Variants in PDLIM5 observed in about 807,000 individuals in gnomAD.
The protein encoded by PDLIM5 is PDZ and LIM domain protein 5.
PDLIM5 carries 34 observed loss-of-function variants against 64.2 expected under a neutral mutation model. The ratio of observed to expected loss-of-function variants is 0.53; its 90% CI spans 0.40 to 0.71. PDLIM5 has a LOEUF of 0.71. Among genes scored for constraint, PDLIM5 ranks in the 30% least tolerant of loss-of-function variants. The pLI, the probability that PDLIM5 is intolerant of heterozygous loss-of-function variation, is 0.00. For synonymous variants in PDLIM5, 253 were observed against 269.1 expected (o/e 0.94, Z 0.59); for missense variants, 683 against 733.6 (o/e 0.93, Z 0.80).
chr4:94,649,222 C>T (rs539015376), intron 9 of PDLIM5, among the ~76,000 whole-genome samples: 3 of 152,132 alleles, frequency 2.0e-5, no homozygotes, highest in Non-Finnish European at 2.9e-5. Context: ...GTGATCCGCC[C>T]GTCTCAGCCT....
At chr4:94,569,415 G>T (rs1175795385) in intron 3 of PDLIM5, among the ~76,000 whole-genome samples, 2 of 152,142 alleles carry the variant, frequency 1.3e-5, no homozygotes, top group African/African-American at 2.4e-5. Context: ...TGCCTCCCAG[G>T]TTCAAGCAGT....
intron 3 of PDLIM5, among the ~76,000 whole-genome samples, chr4:94,526,369 T>G (rs572306104): frequency 6.6e-6 from 1 of 152,346 alleles, no homozygotes; most frequent in South Asian, 2.1e-4. Context: ...CAAAATTGAC[T>G]TGTTATAAAC....
At chr4:94,486,272 TA>T in intron 2 of PDLIM5, among the ~76,000 whole-genome samples, 1 of 152,184 alleles carries the variant, frequency 6.6e-6, no homozygotes, top group Admixed American at 6.5e-5. Context: ...TTTGGTAAGT[TA>T]GGCAAGGTTT....
Position 94,654,598 on chromosome 4 carries a change from C to G in PDLIM5, c.1422C>G (p.Phe474Leu). Residue 474 changes from phenylalanine (F) to leucine (L), a missense_variant, in exon 10 of 13, where the codon TTC becomes TTG. Phe to Leu is a conservative substitution (Grantham distance 22, BLOSUM62 0). Transcript: ENST00000317968. Reference protein sequence around the residue: ...ALYCELCYEKFFAPECGRCQR... With the variant: ...ALYCELCYEKLFAPECGRCQR... ...ATTGTGAGCTGTGCTATGAGAAATT[C>G]TTTGCCCCTGAATGTGGTCGATGCC... The G allele has an allele frequency of 1.2e-6, 2 of 1,612,800 alleles. No homozygotes were observed. The highest frequency in any genetic ancestry group is 2.2e-5 in the South Asian group (2 of 91,000).
At chr4:94,587,047 C>A (rs1476240398) in intron 7 of PDLIM5, 1 of 1,609,758 alleles carries the variant, frequency 6.2e-7, no homozygotes, top group Admixed American at 1.7e-5. Context: ...TGACTGGCAC[C>A]ATGAAGTTTC....
rs1732986014 is a variant in PDLIM5 at position 94,553,384 on chromosome 4, C to T, written c.249-19967C>T. Among the ~76,000 whole-genome samples, 5 of 152,220 alleles carry T rather than the reference C, an allele frequency of 3.3e-5. No individual in the cohort carries two copies. The South Asian group carries it at 1.0e-3, about 31-fold the overall frequency. ...TTGGTCTCCCAAAGTGCTGGGATTA[C>T]AGGCGTGAGCCACCGCACCCAGCCA... On this transcript the variant is annotated intron_variant, in intron 3 of 12. Transcript: ENST00000317968.
At chr4:94,595,798 G>A (rs773490751) in intron 7 of PDLIM5, among the ~76,000 whole-genome samples, 1 of 152,078 alleles carries the variant, frequency 6.6e-6, no homozygotes, top group Non-Finnish European at 1.5e-5. Context: ...TTCTTAATAA[G>A]CTATGCAAAG....
chr4:94,560,873 C>T (rs1733778269), intron 3 of PDLIM5, among the ~76,000 whole-genome samples: 1 of 152,022 alleles, frequency 6.6e-6, no homozygotes. Context: ...ACTACAGTCG[C>T]CCGCCACCAC....
intron 8 of PDLIM5, among the ~76,000 whole-genome samples, chr4:94,633,406 T>C (rs1740310974): frequency 1.3e-5 from 2 of 152,224 alleles, no homozygotes; most frequent in Non-Finnish European, 1.5e-5. Context: ...ATTGTAGTTA[T>C]TATTTTTATT....
At chr4:94,537,303 G>A (rs1462270179) in intron 3 of PDLIM5, among the ~76,000 whole-genome samples, 1 of 152,100 alleles carries the variant, frequency 6.6e-6, no homozygotes, top group African/African-American at 2.4e-5. Flanking sequence ...CTGTTACAAT[G>A]AATGTGAGGG....
rs73834204 is a variant in PDLIM5 at position 94,595,415 on chromosome 4, G to A, written c.920+8971G>A. 5.5e-3 allele frequency among the ~76,000 whole-genome samples: 835 copies of A among 152,310 alleles called. 9 individuals are homozygous for A. Among genetic ancestry groups the A allele is most frequent in the African/African-American group, 0.019 (796 of 41,558 alleles). On this transcript the variant is annotated intron_variant, in intron 7 of 12. Transcript: ENST00000317968. ...CAAACTAAAACAGTTATGTTGAGCC[G>A]GGAAACCGTCTTCTTGTAGGCTATC...
At position 94,666,756 on chromosome 4, in the gene PDLIM5, A is replaced by G. The variant is rs902157427; in HGVS notation, c.*2689A>G. 2.0e-5 allele frequency: 3 copies of G among 152,222 alleles called. No homozygotes were observed. Among genetic ancestry groups the G allele is most frequent in the Admixed American group, 1.3e-4 (2 of 15,278 alleles). The allele number at this position is 152,222 out of a possible 1,614,324, so 9.4% of individuals were successfully genotyped here. A position where few individuals can be genotyped will look rare whatever the true frequency, so the allele number is the denominator to read the frequency against. On this transcript the variant is annotated 3_prime_UTR_variant, in exon 13 of 13. Transcript: ENST00000317968. ...TTTCTACATATTATTCATGAAGCATAATGTTGCATTTCTCCAAATTTTATG... is the reference window on the plus strand; with the variant it reads ...TTTCTACATATTATTCATGAAGCATGATGTTGCATTTCTCCAAATTTTATG...
chr4:94,602,484 GCT>G (rs1560733585), intron 7 of PDLIM5, among the ~76,000 whole-genome samples: 3 of 151,894 alleles, frequency 2.0e-5, no homozygotes, highest in Non-Finnish European at 4.4e-5. Flanking sequence ...ACGGAGTTTC[GCT>G]CTCTCATCCA....
At chr4:94,662,583 ATTCTAGCTTTAGTATTTAAT>A (rs1742824162) in intron 12 of PDLIM5, 46 bp downstream of exon 12, 2 of 783,628 alleles carry the variant, frequency 2.6e-6, no homozygotes, top group Non-Finnish European at 4.4e-6. Flanking sequence ...AGTATGGCCA[ATTCTAGCTTTAGTATTTAAT>A]GGAAATATCA....
At chr4:94,543,963 T>C (rs563268785) in intron 3 of PDLIM5, among the ~76,000 whole-genome samples, 6 of 152,176 alleles carry the variant, frequency 3.9e-5, no homozygotes, top group Non-Finnish European at 7.3e-5. Flanking sequence ...TGTCGGATCA[T>C]ATGGTAGTTC....
intron 10 of PDLIM5, among the ~76,000 whole-genome samples, 172 bp downstream of exon 10, chr4:94,654,812 A>G (rs1742088713): frequency 1.3e-5 from 2 of 152,162 alleles, no homozygotes; most frequent in South Asian, 4.1e-4. Flanking sequence ...GTGGAAATAT[A>G]TCGGACTCAT....
Position 94,624,315 on chromosome 4 carries a change from T to C in PDLIM5, c.1108+6124T>C, listed in dbSNP as rs188770023. The stretch of plus-strand genomic sequence containing the variant: ...CCTGGGTGACAGAGCTAGACCCCCA[T>C]CTAAAAAAAATGTGATAATTTACTG... On this transcript the variant is annotated intron_variant, in intron 8 of 12. Coordinates refer to ENST00000317968, the MANE Select transcript of PDLIM5 (RefSeq NM_006457.5). Among the ~76,000 whole-genome samples the C allele has an allele frequency of 7.2e-3, 1,090 of 150,766 alleles. 13 individuals carry two copies. Among genetic ancestry groups the C allele is most frequent in the African/African-American group, 0.025 (1,035 of 41,034 alleles).
intron 2 of PDLIM5, among the ~76,000 whole-genome samples, chr4:94,508,517 T>C (rs1728593014): frequency 6.6e-6 from 1 of 152,114 alleles, no homozygotes; most frequent in South Asian, 2.1e-4. Flanking sequence ...TTGCCATACG[T>C]CCTGGGGCTG....
At position 94,457,112 on chromosome 4, in the gene PDLIM5, C is replaced by A. The variant is rs148770150; in HGVS notation, c.96+1728C>A. On this transcript the variant is annotated intron_variant, in intron 2 of 12. Coordinates refer to ENST00000317968, the MANE Select transcript of PDLIM5 (RefSeq NM_006457.5). ...CATACTCTGCATCTTGTATGTGTAT[C>A]CAACTTCATTTTGAAAGATTAAAAA... is the stretch of plus-strand genomic sequence containing the variant. 1.1e-4 allele frequency: 99 copies of A among 894,484 alleles called. No homozygotes were observed. In the African/African-American group the frequency reaches 1.5e-3, roughly 14 times the overall value. The allele number at this position is 894,484 out of a possible 1,614,324, so 55.4% of individuals were successfully genotyped here. A position where few individuals can be genotyped will look rare whatever the true frequency, so the allele number is the denominator to read the frequency against.
Sources: allele counts gnomAD v4.1 joint callset (sites outside exome capture counted in the v4.1 genomes callset), GRCh38; gene constraint gnomAD v4.1.1; transcripts MANE v1.5; gene names NCBI Gene and HGNC (gene_info 2026-07-23, HGNC 2026-07-21).